PACS1: variants seen among roughly 807,000 people sequenced by gnomAD.
PACS1 encodes PACS-1.
Under a neutral mutation model 115.0 loss-of-function variants are expected in PACS1, and 24 were observed. The observed-to-expected ratio is 0.21, with a 90% CI of 0.15 to 0.29. The LOEUF is 0.29. Among genes scored for constraint, PACS1 ranks in the 10% least tolerant of loss-of-function variants. The pLI, the probability that PACS1 is intolerant of heterozygous loss-of-function variation, is 1.00. For synonymous variants in PACS1, 453 were observed against 504.5 expected (o/e 0.90, Z 1.37); for missense variants, 838 against 1,251.2 (o/e 0.67, Z 4.98).
At chr11:66,126,861 AGTGG>A (rs1473519373) in intron 1 of PACS1, among the ~76,000 whole-genome samples, 1 of 151,992 alleles carries the variant, frequency 6.6e-6, no homozygotes, top group Non-Finnish European at 1.5e-5. Flanking sequence ...CAGAGAGAAG[AGTGG>A]GAGGTGACTG....
At chr11:66,094,620 A>C (rs1247717401) in intron 1 of PACS1, among the ~76,000 whole-genome samples, 1 of 152,240 alleles carries the variant, frequency 6.6e-6, no homozygotes, top group East Asian at 1.9e-4. Context: ...CAGAGGTACA[A>C]GGAGGAACTG....
chr11:66,134,259 T>TC (rs1858782839), intron 1 of PACS1, among the ~76,000 whole-genome samples: 1 of 109,226 alleles, frequency 9.2e-6, no homozygotes, highest in African/African-American at 3.4e-5. Flanking sequence ...TTTTTCTTTT[T>TC]TTTTTTTTTT....
chr11:66,228,948 C>G (rs1480346298), intron 11 of PACS1, among the ~76,000 whole-genome samples: 1 of 151,944 alleles, frequency 6.6e-6, no homozygotes, highest in Non-Finnish European at 1.5e-5. Context: ...AGGTGTGCGG[C>G]CTGTATTGGT....
At chr11:66,138,114 C>T (rs1022922386) in intron 1 of PACS1, among the ~76,000 whole-genome samples, 1 of 126,146 alleles carries the variant, frequency 7.9e-6, no homozygotes, top group African/African-American at 3.3e-5. Context: ...ATTTATTGGA[C>T]AGTATCACAC....
intron 1 of PACS1, among the ~76,000 whole-genome samples, chr11:66,093,682 T>TGCACCAA (rs1857715871): frequency 6.6e-6 from 1 of 150,400 alleles, no homozygotes; most frequent in Non-Finnish European, 1.5e-5. Context: ...AACTCACCTC[T>TGCACCAA]GCACCAAGCG....
chr11:66,117,379 T>C (rs1590755461), intron 1 of PACS1, among the ~76,000 whole-genome samples: 2 of 149,896 alleles, frequency 1.3e-5, no homozygotes, highest in Middle Eastern at 6.9e-3. Flanking sequence ...GAGAATCGCT[T>C]GAACCCAGGA....
chr11:66,216,800 G>C (rs749714743), intron 7 of PACS1, 25 bp downstream of exon 7: 1 of 1,576,738 alleles, frequency 6.3e-7, no homozygotes, highest in Non-Finnish European at 8.7e-7. Context: ...TCTGGGGAGT[G>C]GTTGGCTAAG....
chr11:66,108,441 GGCCAGGTA>G (rs1858103447), intron 1 of PACS1, among the ~76,000 whole-genome samples: 1 of 152,036 alleles, frequency 6.6e-6, no homozygotes, highest in South Asian at 2.1e-4. Context: ...AGGAATTTAG[GGCCAGGTA>G]TGGCAGCCCA....
At chr11:66,083,935 C>G (rs2134503352) in intron 1 of PACS1, 1 of 152,270 alleles carries the variant, frequency 6.6e-6, no homozygotes, top group East Asian at 1.9e-4. Context: ...TTACTGTTTC[C>G]TCATTTAGTT....
intron 1 of PACS1, among the ~76,000 whole-genome samples, chr11:66,104,220 A>G (rs151166220): frequency 6.6e-6 from 1 of 152,314 alleles, no homozygotes; most frequent in East Asian, 1.9e-4. Flanking sequence ...GTGTAAGTGA[A>G]AGGTAATAAA....
At chr11:66,229,440 C>T (rs1855536165) in intron 11 of PACS1, among the ~76,000 whole-genome samples, 1 of 151,572 alleles carries the variant, frequency 6.6e-6, no homozygotes, top group African/African-American at 2.4e-5. Context: ...TGGTTCATGC[C>T]TGTAATCCCA....
intron 14 of PACS1, 22 bp from the exon 15 acceptor site, chr11:66,232,938 C>T: frequency 6.4e-7 from 1 of 1,572,476 alleles, no homozygotes; most frequent in Non-Finnish European, 8.7e-7. Context: ...TGTGTCCCTG[C>T]TCTCCTCCCT....
At chr11:66,239,815 C>G (rs1007079059) in intron 21 of PACS1, among the ~76,000 whole-genome samples, 6 of 152,216 alleles carry the variant, frequency 3.9e-5, no homozygotes, top group Non-Finnish European at 7.3e-5. Flanking sequence ...ACTTCAATTT[C>G]ATCTAATGAA....
At position 66,134,525 on chromosome 11, in the gene PACS1, A is replaced by G. The variant is rs12274476; in HGVS notation, c.357-58961A>G. 9.0e-3 allele frequency among the ~76,000 whole-genome samples: 1,364 copies of G among 151,958 alleles called. 19 individuals are homozygous for G. The highest frequency in any genetic ancestry group is 0.031 in the African/African-American group (1,278 of 41,442). ...TCGTTGCCATTTCTGATTTGGATGT[A>G]CAAATATAGGGACAGATGGGTTTGT... On this transcript the variant is annotated intron_variant, in intron 1 of 23. Coordinates refer to ENST00000320580, the MANE Select transcript of PACS1 (RefSeq NM_018026.4).
At chr11:66,153,626 A>G (rs1859293287) in intron 1 of PACS1, among the ~76,000 whole-genome samples, 1 of 152,076 alleles carries the variant, frequency 6.6e-6, no homozygotes, top group Non-Finnish European at 1.5e-5. Context: ...CCAAAAATAC[A>G]AAAAAATTGC....
chr11:66,241,333 C>G (rs778033451), intron 21 of PACS1, 94 bp from the exon 22 acceptor site: 2 of 915,142 alleles, frequency 2.2e-6, no homozygotes, highest in Non-Finnish European at 1.7e-6. Flanking sequence ...TCAGCCTGCC[C>G]TCCCGGGGAC....
In PACS1 at chr11:66,233,685, C is replaced by T; in HGVS notation, c.1839-100C>T. 1 of 1,173,288 alleles carries T rather than the reference C, an allele frequency of 8.5e-7. No homozygotes were observed. Among genetic ancestry groups the T allele is most frequent in the Non-Finnish European group, 1.2e-6 (1 of 829,000 alleles). The allele number at this position is 1,173,288 out of a possible 1,614,324, so 72.7% of individuals were successfully genotyped here. On this transcript the variant is annotated intron_variant, in intron 15 of 23. Transcript: ENST00000320580. This position sits in a 1 kb window ranked among gnomAD's most constrained non-coding sequence, Gnocchi z 4.5. ...ATTTTGTGGATTGGTTTGCTTTTCCCCTGTGGGTTGTTGAGATCACAGAAA... is the reference window on the plus strand; with the variant it reads ...ATTTTGTGGATTGGTTTGCTTTTCCTCTGTGGGTTGTTGAGATCACAGAAA...
chr11:66,144,437 G>A (rs1859072241), intron 1 of PACS1, among the ~76,000 whole-genome samples: 1 of 152,168 alleles, frequency 6.6e-6, no homozygotes, highest in Admixed American at 6.5e-5. Flanking sequence ...GGCTGTCTGA[G>A]TTTTCTTTCA....
At chr11:66,090,271 C>CTTTTTTTTTTTTTTTTTTTTTTCCTTTTT (rs930565654) in intron 1 of PACS1, among the ~76,000 whole-genome samples, 1 of 109,444 alleles carries the variant, frequency 9.1e-6, no homozygotes, top group Admixed American at 1.0e-4. Context: ...TCTTTCCTTT[C>CTTTTTTTTTTTTTTTTTTTTTTCCTTTTT]TTTTTTTTTT....
Sources: gnomAD v4.1 joint callset for allele counts (sites outside exome capture counted in the v4.1 genomes callset) on GRCh38, gnomAD v4.1.1 for gene constraint, Gnocchi (gnomAD v3.1) non-coding constraint, MANE v1.5 for transcripts, NCBI Gene and HGNC (gene_info 2026-07-23, HGNC 2026-07-21) for gene names.